Variants in DLG2 observed in about 807,000 individuals in gnomAD.
DLG2 encodes disks large homolog 2.
DLG2 carries 45 observed loss-of-function variants against 132.5 expected under a neutral mutation model. The observed-to-expected ratio is 0.34, with a 90% confidence interval of 0.27 to 0.44. The LOEUF (loss-of-function observed/expected upper bound fraction) is 0.44, where lower values mean the gene tolerates loss of function less well. Ranked by LOEUF, DLG2 falls within the 20% of genes least tolerant of loss-of-function variation. DLG2 has a pLI of 1.00. For synonymous variants in DLG2, 424 were observed against 419.6 expected (o/e 1.01, Z -0.13); for missense variants, 1,045 against 1,196.9 (o/e 0.87, Z 1.87).
chr11:84,869,966 C>CATGT lies in DLG2; in HGVS notation c.357+241691_357+241694dup, dbSNP rs1345124167. Among the ~76,000 whole-genome samples the CATGT allele has an allele frequency of 1.2e-3, 177 of 152,294 alleles. 1 individual carries two copies. The highest frequency in any genetic ancestry group is 2.2e-4 in the Non-Finnish European group (15 of 68,032). On this transcript the variant is annotated intron_variant, in intron 6 of 27. Transcript: ENST00000376104. ...TTGGAAAAATGCCAGTGGAGATGTACATGTGTCAGCACAAAGATGGAAGGA... is the reference window on the plus strand; with the variant it reads ...TTGGAAAAATGCCAGTGGAGATGTACATGTATGTGTCAGCACAAAGATGGAAGGA...
chr11:84,870,196 A>G (rs956372085), intron 6 of DLG2, among the ~76,000 whole-genome samples: 1 of 152,330 alleles, frequency 6.6e-6, no homozygotes, highest in East Asian at 1.9e-4. Flanking sequence ...TTTATGCATA[A>G]TATGAGTGAA....
intron 4 of DLG2, among the ~76,000 whole-genome samples, chr11:85,238,893 C>T (rs1326213576): frequency 6.6e-6 from 1 of 151,632 alleles, no homozygotes; most frequent in Non-Finnish European, 1.5e-5. Context: ...AGTGGCTTTG[C>T]AACGTCAGCT....
intron 3 of DLG2, among the ~76,000 whole-genome samples, chr11:85,482,142 G>A (rs958894948): frequency 6.6e-6 from 1 of 152,032 alleles, no homozygotes; most frequent in Admixed American, 6.5e-5. Flanking sequence ...GGATGCCAAA[G>A]TCCCAAGCTT....
At chr11:85,216,755 G>A (rs562540594) in intron 4 of DLG2, among the ~76,000 whole-genome samples, 1 of 151,924 alleles carries the variant, frequency 6.6e-6, no homozygotes, top group African/African-American at 2.4e-5. Flanking sequence ...GGAGTGCAGT[G>A]GCTGAATCTT....
At chr11:85,111,846 G>T in intron 5 of DLG2, 111 bp from the exon 6 acceptor site, 1 of 754,742 alleles carries the variant, frequency 1.3e-6, no homozygotes, top group Non-Finnish European at 2.0e-6. Context: ...TATAATCATA[G>T]AGAGAGAATG....
intron 18 of DLG2, among the ~76,000 whole-genome samples, chr11:83,669,520 T>C (rs777136019): frequency 1.3e-5 from 2 of 152,192 alleles, no homozygotes; most frequent in Non-Finnish European, 1.5e-5. Context: ...AACCCTCTTA[T>C]AAACAGAAGG....
intron 2 of DLG2, among the ~76,000 whole-genome samples, chr11:85,603,019 G>A (rs1218934768): frequency 6.6e-6 from 1 of 152,042 alleles, no homozygotes; most frequent in Non-Finnish European, 1.5e-5. Flanking sequence ...GATGGAGGAG[G>A]ACATTGCGTA....
At chr11:84,792,248 A>G (rs895473857) in intron 6 of DLG2, among the ~76,000 whole-genome samples, 3 of 152,156 alleles carry the variant, frequency 2.0e-5, no homozygotes, top group Non-Finnish European at 4.4e-5. Flanking sequence ...TGATTTGTAT[A>G]TGTTGAAACG....
At chr11:84,430,482 T>A (rs489716) in intron 7 of DLG2, among the ~76,000 whole-genome samples, 1 of 149,724 alleles carries the variant, frequency 6.7e-6, no homozygotes, top group Non-Finnish European at 1.5e-5. Flanking sequence ...GAAATGCAGC[T>A]AATAAGAGTA....
chr11:83,572,343 A>G (rs1346549124), intron 19 of DLG2, among the ~76,000 whole-genome samples: 2 of 152,134 alleles, frequency 1.3e-5, no homozygotes, highest in African/African-American at 4.8e-5. Context: ...GAAGATTAGG[A>G]GTATGAGTCA....
chr11:84,831,697 G>C (rs1014657150), intron 6 of DLG2, among the ~76,000 whole-genome samples: 25 of 151,710 alleles, frequency 1.6e-4, no homozygotes, highest in African/African-American at 5.8e-4. Context: ...TGCATTTCTG[G>C]CTGCCTTTAC....
chr11:84,049,701 A>T (rs533726606), intron 11 of DLG2, among the ~76,000 whole-genome samples: 1 of 151,780 alleles, frequency 6.6e-6, no homozygotes, highest in Non-Finnish European at 1.5e-5. Flanking sequence ...CGGTTTCTTT[A>T]TCTCCTTAAT....
At chr11:85,601,224 T>TTG (rs1202877958) in intron 2 of DLG2, among the ~76,000 whole-genome samples, 1 of 152,190 alleles carries the variant, frequency 6.6e-6, no homozygotes, top group Non-Finnish European at 1.5e-5. Context: ...CCCAAGTTAG[T>TTG]CTTGAACTCC....
In DLG2 at chr11:83,833,776, G is replaced by C. The variant is rs912717528; in HGVS notation, c.1566-6C>G. ...GGACTACCTTGCGAGGCTCTCTGCA[G>C]AAAGAAATAGAGAACACAGCTCAGA... On this transcript the variant is annotated splice_region_variant and splice_polypyrimidine_tract_variant and intron_variant, in intron 16 of 27. Transcript: ENST00000376104. 4.3e-6 allele frequency: 7 copies of C among 1,612,838 alleles called. No homozygotes were observed. Among genetic ancestry groups the C allele is most frequent in the Non-Finnish European group, 5.9e-6 (7 of 1,179,398 alleles).
chr11:84,624,388 A>G lies in DLG2; in HGVS notation c.358-89657T>C, dbSNP rs12363324. ...ACTTTATTTCAATAACTAAATTGAT[A>G]CATATAAAACTTTAACACACTAAAA... On this transcript the variant is annotated intron_variant, in intron 6 of 27. Transcript: ENST00000376104. 4.5e-3 allele frequency among the ~76,000 whole-genome samples: 679 copies of G among 152,324 alleles called. 2 individuals carry two copies. Among genetic ancestry groups the G allele is most frequent in the Non-Finnish European group, 5.8e-3 (396 of 68,022 alleles).
chr11:84,539,952 A>G (rs1207268468), intron 6 of DLG2, among the ~76,000 whole-genome samples: 1 of 152,186 alleles, frequency 6.6e-6, no homozygotes, highest in East Asian at 1.9e-4. Flanking sequence ...AGGATGCCCT[A>G]TTTAATAAAT....
intron 6 of DLG2, among the ~76,000 whole-genome samples, chr11:84,747,707 A>C (rs1390937769): frequency 1.3e-5 from 2 of 152,178 alleles, no homozygotes; most frequent in Non-Finnish European, 2.9e-5. Flanking sequence ...GTATCAGTTT[A>C]GTTCAAATAA....
intron 8 of DLG2, among the ~76,000 whole-genome samples, chr11:84,187,346 T>C (rs2096296027): frequency 6.6e-6 from 1 of 151,990 alleles, no homozygotes; most frequent in Admixed American, 6.6e-5. Flanking sequence ...AGAGTATATA[T>C]TTAGTTGTAA....
intron 6 of DLG2, among the ~76,000 whole-genome samples, chr11:84,859,385 C>A (rs547836557): frequency 7.1e-6 from 1 of 141,638 alleles, no homozygotes; most frequent in Admixed American, 7.1e-5. Flanking sequence ...CATATATATG[C>A]ATACATATAT....
Sources: gnomAD v4.1 joint callset for allele counts (sites outside exome capture counted in the v4.1 genomes callset) on GRCh38, gnomAD v4.1.1 for gene constraint, MANE v1.5 for transcripts, NCBI Gene and HGNC (gene_info 2026-07-23, HGNC 2026-07-21) for gene names.